AGTPBP1: variants seen among roughly 807,000 people sequenced by gnomAD.
AGTPBP1 encodes ATP/GTP binding carboxypeptidase 1, also known as cytosolic carboxypeptidase 1.
Under a neutral mutation model 143.9 loss-of-function variants are expected in AGTPBP1, and 70 were observed. The observed-to-expected ratio is 0.49, with a 90% CI of 0.40 to 0.59. AGTPBP1 has a LOEUF of 0.59. Ranked by LOEUF, AGTPBP1 falls within the 20% of genes least tolerant of loss-of-function variation. The pLI, the probability that AGTPBP1 is intolerant of heterozygous loss-of-function variation, is 0.00. For missense variants in AGTPBP1, 1,229 were observed against 1,464.5 expected (o/e 0.84, Z 2.62); for synonymous variants, 463 against 500.2 (o/e 0.93, Z 0.99).
At chr9:85,773,767 C>T in the AGTPBP1 span, 15 of 799,410 alleles carry the variant, frequency 1.9e-5, no homozygotes, top group East Asian at 3.8e-4. Context: ...CTTGAAGTAG[C>T]CTAAGAAAAG....
At chr9:85,776,967 T>C in the AGTPBP1 span, among the ~76,000 whole-genome samples, 1 of 152,204 alleles carries the variant, frequency 6.6e-6, no homozygotes, top group South Asian at 2.1e-4. Flanking sequence ...CACGGCCTTC[T>C]GGAGAACTTT....
At chr9:85,756,141 T>C in the AGTPBP1 span, 12 of 1,612,432 alleles carry the variant, frequency 7.4e-6, no homozygotes, top group East Asian at 2.7e-4. Flanking sequence ...TGCCAAGAAT[T>C]AGAGGAGCTG....
chr9:85,614,118 A>G (rs1422232967), intron 17 of AGTPBP1, among the ~76,000 whole-genome samples: 1 of 152,098 alleles, frequency 6.6e-6, no homozygotes, highest in Non-Finnish European at 1.5e-5. Flanking sequence ...TGCTTAATGT[A>G]AACACTAGCA....
intron 14 of AGTPBP1, among the ~76,000 whole-genome samples, chr9:85,627,992 T>C (rs909086894): frequency 3.3e-5 from 5 of 152,226 alleles, no homozygotes; most frequent in African/African-American, 1.2e-4. Context: ...CAGGGGCTGG[T>C]GCCCCAACCT....
chr9:85,790,907 G>A, the AGTPBP1 span, among the ~76,000 whole-genome samples: 1 of 152,040 alleles, frequency 6.6e-6, no homozygotes, highest in South Asian at 2.1e-4. Context: ...TTTTTAAAAT[G>A]TATACTTAAT....
At chr9:85,681,745 CTTTTT>C in intron 3 of AGTPBP1, among the ~76,000 whole-genome samples, 1 of 105,900 alleles carries the variant, frequency 9.4e-6, no homozygotes, top group South Asian at 3.6e-4. Flanking sequence ...GCATTAATAT[CTTTTT>C]TTTTTTTTTT....
At chr9:85,661,092 T>C (rs1341208029) in intron 8 of AGTPBP1, 119 bp from the exon 9 acceptor site, 9 of 827,842 alleles carry the variant, frequency 1.1e-5, no homozygotes, top group Non-Finnish European at 1.4e-5. Flanking sequence ...CAAAGTTTAC[T>C]CTTGTTTAAG....
intron 17 of AGTPBP1, among the ~76,000 whole-genome samples, chr9:85,596,779 A>G (rs1829325470): frequency 1.3e-5 from 2 of 152,148 alleles, no homozygotes; most frequent in Non-Finnish European, 2.9e-5. Context: ...TAAAGACATA[A>G]TGTACAATCA....
intron 1 of AGTPBP1, among the ~76,000 whole-genome samples, chr9:85,717,097 C>G (rs947650976): frequency 2.0e-5 from 3 of 152,226 alleles, no homozygotes; most frequent in Admixed American, 2.0e-4. Context: ...TCCCAACCAA[C>G]CTATTTAATA....
intron 15 of AGTPBP1, among the ~76,000 whole-genome samples, chr9:85,619,710 T>C (rs1476455346): frequency 6.6e-6 from 1 of 152,248 alleles, no homozygotes. Context: ...TCTTATTTAA[T>C]TAGCATCAAG....
intron 17 of AGTPBP1, 113 bp downstream of exon 17, chr9:85,618,870 G>T (rs1830746296): frequency 3.4e-6 from 4 of 1,174,004 alleles, no homozygotes; most frequent in Non-Finnish European, 3.5e-6. Flanking sequence ...GAGAACTAGA[G>T]AAAACAAGAC....
the AGTPBP1 span, among the ~76,000 whole-genome samples, chr9:85,765,496 A>T: frequency 1.3e-5 from 2 of 152,278 alleles, no homozygotes; most frequent in Non-Finnish European, 2.9e-5. Context: ...CAGTTTTTTT[A>T]AAACTATAGT....
intron 1 of AGTPBP1, among the ~76,000 whole-genome samples, chr9:85,728,124 T>C (rs568113856): frequency 6.6e-6 from 1 of 151,350 alleles, no homozygotes; most frequent in South Asian, 2.1e-4. Flanking sequence ...ATCCTGTGAT[T>C]AAAAAAAGGC....
the AGTPBP1 span, chr9:85,764,651 T>C: frequency 4.7e-6 from 3 of 643,330 alleles, no homozygotes; most frequent in Non-Finnish European, 8.4e-6. Flanking sequence ...CTAATTTTTA[T>C]GCAGTCTAGA....
intron 17 of AGTPBP1, among the ~76,000 whole-genome samples, chr9:85,606,934 T>C (rs1830026904): frequency 1.3e-5 from 2 of 151,624 alleles, no homozygotes; most frequent in Admixed American, 1.3e-4. Flanking sequence ...TGAAGAGAGG[T>C]TGGTTAATGA....
chr9:85,736,675 G>A (rs7028631), intron 1 of AGTPBP1, among the ~76,000 whole-genome samples: 9 of 152,244 alleles, frequency 5.9e-5, no homozygotes, highest in East Asian at 1.9e-4. Flanking sequence ...CTAAAAGCAC[G>A]GTGCGTGGGC....
chr9:85,669,949 G>A (rs1229071473), intron 7 of AGTPBP1, among the ~76,000 whole-genome samples: 4 of 152,126 alleles, frequency 2.6e-5, no homozygotes, highest in Non-Finnish European at 5.9e-5. Context: ...TAGAGAGAAT[G>A]ACAGAAACAA....
At chr9:85,616,831 T>A (rs1310107495) in intron 17 of AGTPBP1, among the ~76,000 whole-genome samples, 1 of 152,026 alleles carries the variant, frequency 6.6e-6, no homozygotes, top group Non-Finnish European at 1.5e-5. Context: ...GTTAGTAGTT[T>A]AAAATCACAA....
At chr9:85,747,778 G>A in the AGTPBP1 span, among the ~76,000 whole-genome samples, 1 of 151,956 alleles carries the variant, frequency 6.6e-6, no homozygotes, top group African/African-American at 2.4e-5. Context: ...GAGCCATGAG[G>A]AACTCCCATA....
Sources: allele counts gnomAD v4.1 joint callset (sites outside exome capture counted in the v4.1 genomes callset), GRCh38; gene constraint gnomAD v4.1.1; transcripts MANE v1.5; gene names NCBI Gene and HGNC (gene_info 2026-07-23, HGNC 2026-07-21).